The following HIVEP2 variants were observed in gnomAD, a reference collection of about 807,000 sequenced individuals.
HIVEP2 encodes transcription factor HIVEP2.
In HIVEP2, 14 loss-of-function variants were observed where a neutral mutation model predicts 180.7. The ratio of observed to expected loss-of-function variants is 0.08; its 90% CI spans 0.05 to 0.12. The LOEUF (loss-of-function observed/expected upper bound fraction) is 0.12. Among genes scored for constraint, HIVEP2 ranks in the 10% least tolerant of loss-of-function variants. HIVEP2 has a pLI of 1.00. For missense variants in HIVEP2, 2,579 were observed against 3,008.5 expected, an observed-to-expected ratio of 0.86 and a Z score of 3.34; for synonymous variants, 1,184 against 1,136.4, an observed-to-expected ratio of 1.04 and a Z score of -0.84.
At chr6:142,869,469 A>G (rs1187711093) in intron 1 of HIVEP2, among the ~76,000 whole-genome samples, 1 of 152,168 alleles carries the variant, frequency 6.6e-6, no homozygotes, top group Non-Finnish European at 1.5e-5. Context: ...TAATACCCAA[A>G]TCAATGCAGT....
At chr6:142,785,770 C>T (rs1230572701) in intron 2 of HIVEP2, among the ~76,000 whole-genome samples, 1 of 152,140 alleles carries the variant, frequency 6.6e-6, no homozygotes. Context: ...AGAAGAGCCC[C>T]CTTTTTACCC....
intron 1 of HIVEP2, among the ~76,000 whole-genome samples, chr6:142,847,082 C>T (rs1479606084): frequency 6.6e-6 from 1 of 152,126 alleles, no homozygotes; most frequent in Admixed American, 6.5e-5. Context: ...TCTAATCCAC[C>T]CTGTACCTCA....
chr6:142,879,671 G>A (rs1056544873), intron 1 of HIVEP2, among the ~76,000 whole-genome samples: 1 of 151,902 alleles, frequency 6.6e-6, no homozygotes, highest in Non-Finnish European at 1.5e-5. Context: ...AACCATCCCA[G>A]GCCATCTGAC....
intron 1 of HIVEP2, among the ~76,000 whole-genome samples, chr6:142,869,683 G>A (rs4896599): frequency 0.25 from 38,170 of 151,714 alleles, 5,338 homozygotes; most frequent in East Asian, 0.35. Flanking sequence ...AAAGTGTATC[G>A]CCACTTTTAA....
At chr6:142,836,775 A>G (rs1775234809) in intron 2 of HIVEP2, among the ~76,000 whole-genome samples, 160 bp downstream of exon 2, 1 of 152,174 alleles carries the variant, frequency 6.6e-6, no homozygotes, top group South Asian at 2.1e-4. Context: ...AAGTATGAAT[A>G]TTTTCATTTA....
chr6:142,925,085 A>T (rs1167181769), intron 1 of HIVEP2, among the ~76,000 whole-genome samples: 2 of 152,198 alleles, frequency 1.3e-5, no homozygotes, highest in African/African-American at 4.8e-5. Context: ...AATGCAGGAG[A>T]CCCAATATGT....
At chr6:142,776,540 G>C (rs146517420) in intron 3 of HIVEP2, among the ~76,000 whole-genome samples, 1 of 150,984 alleles carries the variant, frequency 6.6e-6, no homozygotes, top group Non-Finnish European at 1.5e-5. Flanking sequence ...TTTTTGTTTT[G>C]TTTTTTTTGA....
intron 2 of HIVEP2, among the ~76,000 whole-genome samples, chr6:142,817,008 G>A (rs75009943): frequency 0.052 from 7,966 of 152,002 alleles, 274 homozygotes; most frequent in Middle Eastern, 0.071. Flanking sequence ...TGTTCAACTC[G>A]ACTTGAACTG....
chr6:142,781,966 T>A (rs1775871833), intron 3 of HIVEP2, among the ~76,000 whole-genome samples: 1 of 152,190 alleles, frequency 6.6e-6, no homozygotes, highest in South Asian at 2.1e-4. Context: ...AAAAAAACCT[T>A]ACCTCAGGAA....
chr6:142,887,605 C>G (rs1395640512), intron 1 of HIVEP2, among the ~76,000 whole-genome samples: 1 of 152,102 alleles, frequency 6.6e-6, no homozygotes, highest in African/African-American at 2.4e-5. Context: ...AAGGTTATTT[C>G]CATCAGCACT....
intron 1 of HIVEP2, among the ~76,000 whole-genome samples, chr6:142,838,195 A>G (rs941836679): frequency 1.3e-5 from 2 of 152,172 alleles, no homozygotes; most frequent in Non-Finnish European, 2.9e-5. Flanking sequence ...AGCAGTAACT[A>G]TACATACTAA....
intron 1 of HIVEP2, among the ~76,000 whole-genome samples, chr6:142,874,396 C>G (rs1407356869): frequency 6.6e-6 from 1 of 151,918 alleles, no homozygotes; most frequent in Non-Finnish European, 1.5e-5. Context: ...TTTAAAAAAT[C>G]TATTTTTATC....
intron 2 of HIVEP2, among the ~76,000 whole-genome samples, chr6:142,811,487 T>C (rs768229618): frequency 3.9e-5 from 6 of 151,938 alleles, no homozygotes; most frequent in African/African-American, 7.3e-5. Context: ...ATTTCATGCA[T>C]GTCACGAGTG....
At chr6:142,897,759 C>A (rs1325275977) in intron 1 of HIVEP2, among the ~76,000 whole-genome samples, 1 of 152,166 alleles carries the variant, frequency 6.6e-6, no homozygotes, top group Non-Finnish European at 1.5e-5. Context: ...TGGTGAAAAT[C>A]CATCAAACTG....
intron 2 of HIVEP2, among the ~76,000 whole-genome samples, chr6:142,814,737 T>G (rs1776788355): frequency 6.6e-6 from 1 of 152,072 alleles, no homozygotes; most frequent in Non-Finnish European, 1.5e-5. Context: ...TTTGGGCTAT[T>G]TATGCAGAGA....
intron 2 of HIVEP2, among the ~76,000 whole-genome samples, chr6:142,810,136 G>A (rs952991533): frequency 6.6e-6 from 1 of 152,254 alleles, no homozygotes; most frequent in Admixed American, 6.5e-5. Context: ...CCTGCAGAAT[G>A]TTGTCAGGGC....
rs762047303 is a variant in HIVEP2 at position 142,772,087 on chromosome 6, G to T, written c.2652C>A (p.His884Gln). The T allele has an allele frequency of 3.3e-5, 54 of 1,614,072 alleles. No homozygotes were observed. The South Asian group carries it at 5.8e-4, about 17-fold the overall frequency. ...CTCGAATCTCAGGAACCTGGATGTT[G>T]TGTTGCCGAACTAGCCTGGGCTGTG... The part of the protein sequence containing the change: ...YHTQPRLVRQ[H>Q]NIQVPEIRVT... The change falls in exon 5 of 10, where the codon CAC becomes CAA. Residue 884 changes from histidine to glutamine, a missense_variant. Physicochemically the swap from His to Gln is conservative, Grantham distance 24. This residue lies in a region of HIVEP2 where 51 missense variants were observed against 102.8 expected (regional missense o/e 0.50). Coordinates refer to ENST00000367603, the MANE Select transcript of HIVEP2 (RefSeq NM_006734.4). The surrounding 1 kb of genome is among the most constrained non-coding windows in gnomAD (Gnocchi z 4.9).
Position 142,771,811 on chromosome 6 carries a change from G to C in HIVEP2, c.2928C>G (p.Ser976Arg). 6.2e-7 allele frequency: 1 copy of C among 1,614,232 alleles called. No individual in the cohort carries two copies. The highest frequency in any genetic ancestry group is 8.5e-7 in the Non-Finnish European group (1 of 1,180,040). Residue 976 changes from serine (S) to arginine (R), a missense_variant, in exon 5 of 10, where the codon AGC (serine) becomes AGG (arginine). This residue lies in a region of HIVEP2 where 523 missense variants were observed against 577.0 expected (regional missense o/e 0.91). Coordinates refer to ENST00000367603, the MANE Select transcript of HIVEP2 (RefSeq NM_006734.4). The surrounding 1 kb of genome is among the most constrained non-coding windows in gnomAD (Gnocchi z 5.4). ...SPSQESNLSHSSSFSMSFERE... is the reference protein window; with the variant it reads ...SPSQESNLSHRSSFSMSFERE... The stretch of plus-strand genomic sequence containing the variant: ...TTTCAAAAGACATGGAGAAACTGGA[G>C]CTGTGGGACAAGTTGCTTTCTTGGC...
chr6:142,872,515 T>C (rs1776317197), intron 1 of HIVEP2, among the ~76,000 whole-genome samples: 2 of 152,192 alleles, frequency 1.3e-5, no homozygotes, highest in African/African-American at 4.8e-5. Flanking sequence ...CAGCAAATGG[T>C]TGGAGCAAAC....
Sources: gnomAD v4.1 joint callset for allele counts (sites outside exome capture counted in the v4.1 genomes callset) on GRCh38, gnomAD v4.1.1 for gene constraint, gnomAD v4.1.1 regional missense constraint, Gnocchi (gnomAD v3.1) non-coding constraint, MANE v1.5 for transcripts, NCBI Gene and HGNC (gene_info 2026-07-23, HGNC 2026-07-21) for gene names.